Variants in CDH7 observed in about 807,000 individuals in gnomAD.
The protein encoded by CDH7 is cadherin-7.
Under a neutral mutation model 71.8 loss-of-function variants are expected in CDH7, and 25 were observed. That is an observed-to-expected ratio of 0.35 (90% CI 0.25 to 0.49). The LOEUF (loss-of-function observed/expected upper bound fraction) is 0.49. Ranked by LOEUF, CDH7 falls within the 20% of genes least tolerant of loss-of-function variation. The pLI is 0.99. For missense variants in CDH7, 862 were observed against 974.6 expected (o/e 0.88, Z 1.54); for synonymous variants, 381 against 363.8 (o/e 1.05, Z -0.54).
At position 65,801,940 on chromosome 18, in the gene CDH7, A is replaced by G. The variant is rs556732074; in HGVS notation, c.211-7764A>G. Among the ~76,000 whole-genome samples, 151 of 152,322 alleles carry G rather than the reference A, an allele frequency of 9.9e-4. 1 individual carries two copies. The highest frequency in any genetic ancestry group is 3.5e-3 in the African/African-American group (146 of 41,576). On this transcript the variant is annotated intron_variant, in intron 2 of 11. Transcript: ENST00000397968. ...AAATAGTTTGCAAACACCTTATGCT[A>G]TTGGTGTCTGCGACACGTACATGCA...
intron 6 of CDH7, among the ~76,000 whole-genome samples, chr18:65,826,917 T>A (rs949371042): frequency 3.8e-4 from 53 of 141,126 alleles, no homozygotes; most frequent in African/African-American, 1.3e-3. Context: ...GTTGAAGGTA[T>A]TAAAAAACGT....
At position 65,761,736 on chromosome 18, in the gene CDH7, C is replaced by T. The variant is rs141603795; in HGVS notation, c.-196-911C>T. Among the ~76,000 whole-genome samples the T allele has an allele frequency of 2.0e-3, 299 of 152,190 alleles. 2 individuals are homozygous for T. Among genetic ancestry groups the T allele is most frequent in the Middle Eastern group, 0.01 (3 of 294 alleles). On this transcript the variant is annotated intron_variant, in intron 1 of 11. Coordinates refer to ENST00000397968, the MANE Select transcript of CDH7 (RefSeq NM_004361.5). ...GTTTGTTTTGTAACTGATTTTATATCTCTTGCATAATCAGAATTCTGTAAC... is the reference window on the plus strand; with the variant it reads ...GTTTGTTTTGTAACTGATTTTATATTTCTTGCATAATCAGAATTCTGTAAC...
At chr18:65,778,674 TTG>T (rs1422389483) in intron 2 of CDH7, among the ~76,000 whole-genome samples, 4 of 151,180 alleles carry the variant, frequency 2.6e-5, no homozygotes, top group East Asian at 1.9e-4. Context: ...TTCTTTTTTT[TTG>T]TTTGTTTTTC....
chr18:65,788,132 A>T (rs1568185612), intron 2 of CDH7, among the ~76,000 whole-genome samples: 2 of 152,164 alleles, frequency 1.3e-5, no homozygotes. Flanking sequence ...TCAGGAATTG[A>T]TTCAAGTTTA....
At chr18:65,793,992 G>A (rs980703425) in intron 2 of CDH7, among the ~76,000 whole-genome samples, 1 of 152,058 alleles carries the variant, frequency 6.6e-6, no homozygotes, top group African/African-American at 2.4e-5. Flanking sequence ...GCAAAGCCTG[G>A]TGCATTCCCA....
At chr18:65,766,885 TAAAAAAAAAAAAAAAAA>T (rs61611288) in intron 2 of CDH7, among the ~76,000 whole-genome samples, 97 of 88,630 alleles carry the variant, frequency 1.1e-3, no homozygotes, top group Non-Finnish European at 1.5e-3. Flanking sequence ...CTGTCTGACG[TAAAAAAAAAAAAAAAAA>T]AAAAAAAAAA....
chr18:65,790,137 C>T (rs138930303), intron 2 of CDH7, among the ~76,000 whole-genome samples: 12 of 145,970 alleles, frequency 8.2e-5, no homozygotes, highest in Middle Eastern at 3.8e-3. Flanking sequence ...AGGAGAATGG[C>T]GTGAACCCAG....
chr18:65,852,635 A>C (rs965910369), intron 7 of CDH7, among the ~76,000 whole-genome samples: 8 of 152,102 alleles, frequency 5.3e-5, no homozygotes, highest in Non-Finnish European at 8.8e-5. Context: ...TATAGGCTAA[A>C]AATGTATTTT....
At position 65,813,964 on chromosome 18, in the gene CDH7, G is replaced by A. The variant is rs370375116; in HGVS notation, c.506-521G>A. On this transcript the variant is annotated intron_variant, in intron 3 of 11. Coordinates refer to ENST00000397968, the MANE Select transcript of CDH7 (RefSeq NM_004361.5). The stretch of plus-strand genomic sequence containing the variant: ...TTAAAAACAAAATCCCAAGGAGATA[G>A]GGTAGCCACCTAATATACAGTTAGG... 8.5e-5 allele frequency among the ~76,000 whole-genome samples: 13 copies of A among 152,248 alleles called. No homozygotes were observed. In the South Asian group the frequency reaches 2.5e-3, roughly 29 times the overall value.
chr18:65,810,443 T>A (rs1041820609), intron 3 of CDH7, among the ~76,000 whole-genome samples: 2 of 152,214 alleles, frequency 1.3e-5, no homozygotes, highest in Non-Finnish European at 2.9e-5. Flanking sequence ...AAGAAGGCCA[T>A]CAATGGCTAT....
rs779400233 is a variant in CDH7, at chr18:65,849,538, G to A, written c.1235+5473G>A. Among the ~76,000 whole-genome samples the A allele has an allele frequency of 6.0e-5, 9 of 151,090 alleles. No homozygotes were observed. In the South Asian group the frequency reaches 6.3e-4, roughly 11 times the overall value. ...AGCAATTCTTCTGCCCCTGCCTCCCGAGTAGCTGGCATTACAGGCATCCGC... is the reference window on the plus strand; with the variant it reads ...AGCAATTCTTCTGCCCCTGCCTCCCAAGTAGCTGGCATTACAGGCATCCGC... On this transcript the variant is annotated intron_variant, in intron 7 of 11. Transcript: ENST00000397968.
intron 2 of CDH7, among the ~76,000 whole-genome samples, chr18:65,799,628 A>G (rs1469606722): frequency 6.6e-6 from 1 of 151,882 alleles, no homozygotes; most frequent in Non-Finnish European, 1.5e-5. Context: ...GTGAGCTGAG[A>G]TCTCGCCACT....
chr18:65,809,677 T>A, intron 2 of CDH7, 27 bp from the exon 3 acceptor site: 2 of 1,586,728 alleles, frequency 1.3e-6, no homozygotes, highest in Non-Finnish European at 8.6e-7. Flanking sequence ...TGTAAGTTAA[T>A]CTCATCTCAC....
chr18:65,771,601 G>A (rs533937623), intron 2 of CDH7, among the ~76,000 whole-genome samples: 2 of 151,876 alleles, frequency 1.3e-5, no homozygotes, highest in Non-Finnish European at 2.9e-5. Context: ...ACTTGAGCCC[G>A]AGAGATGGAG....
chr18:65,788,426 AAGAG>A (rs1330614237), intron 2 of CDH7, among the ~76,000 whole-genome samples: 1 of 152,144 alleles, frequency 6.6e-6, no homozygotes, highest in Non-Finnish European at 1.5e-5. Flanking sequence ...AAAAGAAAGA[AAGAG>A]AGAGGGAATG....
intron 6 of CDH7, among the ~76,000 whole-genome samples, chr18:65,843,448 T>A (rs1033106016): frequency 3.9e-5 from 6 of 152,164 alleles, no homozygotes; most frequent in African/African-American, 1.4e-4. Flanking sequence ...ATTTTTAAAG[T>A]GCACCCTGGG....
chr18:65,857,353 A>C, intron 7 of CDH7, among the ~76,000 whole-genome samples: 1 of 142,646 alleles, frequency 7.0e-6, no homozygotes, highest in South Asian at 2.2e-4. Flanking sequence ...TAATAATAAT[A>C]ATAATAATAA....
chr18:65,867,964 T>A (rs1315621880), intron 11 of CDH7, among the ~76,000 whole-genome samples: 2 of 152,260 alleles, frequency 1.3e-5, no homozygotes, highest in Non-Finnish European at 2.9e-5. Flanking sequence ...TACTAAACTA[T>A]ATTTGGCCAC....
chr18:65,761,949 A>G (rs537380379), intron 1 of CDH7, among the ~76,000 whole-genome samples: 50 of 152,332 alleles, frequency 3.3e-4, no homozygotes, highest in Non-Finnish European at 6.0e-4. Flanking sequence ...ATGCTGCAAG[A>G]TGCTCAATAA....
Sources: gnomAD v4.1 joint callset for allele counts (sites outside exome capture counted in the v4.1 genomes callset) on GRCh38, gnomAD v4.1.1 for gene constraint, MANE v1.5 for transcripts, NCBI Gene and HGNC (gene_info 2026-07-23, HGNC 2026-07-21) for gene names.